Variants in ACP2 observed in about 807,000 individuals in gnomAD.
The protein encoded by ACP2 is acid phosphatase 2, lysosomal.
A neutral mutation model predicts 54.7 loss-of-function variants in ACP2; 35 were observed. That is an observed-to-expected ratio of 0.64 (90% CI 0.49 to 0.85). The LOEUF is 0.85. Among genes scored for constraint, ACP2 ranks in the 40% least tolerant of loss-of-function variants. ACP2 has a pLI of 0.00. For missense variants in ACP2, 492 were observed against 565.0 expected (o/e 0.87, Z 1.31); for synonymous variants, 210 against 224.4 (o/e 0.94, Z 0.57).
intron 3 of ACP2, 94 bp downstream of exon 3, chr11:47,247,547 G>A: frequency 1.2e-5 from 17 of 1,416,498 alleles, no homozygotes; most frequent in Non-Finnish European, 1.7e-5. Flanking sequence ...CAAGAAGGAG[G>A]CCAAAGTGCC....
At chr11:47,244,652 A>C in intron 7 of ACP2, 83 bp downstream of exon 7, 1 of 1,101,852 alleles carries the variant, frequency 9.1e-7, no homozygotes, top group East Asian at 2.5e-5. Context: ...GTAGAGAGGG[A>C]AGTGTGTGAG....
At position 47,248,712 on chromosome 11, in the gene ACP2, C is replaced by T; in HGVS notation, c.78G>A (p.Pro26=). The stretch of plus-strand genomic sequence containing the variant: ...AGCGCAGACTCCGGGCCCGGGTGGG[C>T]GGCATCACCACCAGGTTCACGCCGA... The part of the protein sequence containing the change: ...LLLGVNLVVM[P]PTRARSLRFV... Residue 26 remains proline (P), a synonymous_variant, in exon 1 of 11, where the codon CCG becomes CCA. Coordinates refer to ENST00000672073, the MANE Select transcript of ACP2 (RefSeq NM_001610.4). 4 of 1,611,926 alleles carry T rather than the reference C, an allele frequency of 2.5e-6. No individual in the cohort carries two copies. The highest frequency in any genetic ancestry group is 1.7e-5 in the Admixed American group (1 of 59,712).
chr11:47,247,177 A>G (rs1203029795), intron 3 of ACP2, among the ~76,000 whole-genome samples: 2 of 152,132 alleles, frequency 1.3e-5, no homozygotes, highest in Non-Finnish European at 2.9e-5. Context: ...TTGATCAAGA[A>G]AAGACAAGCC....
intron 6 of ACP2, 27 bp from the exon 7 acceptor site, chr11:47,244,894 GC>G: frequency 6.3e-7 from 1 of 1,576,302 alleles, no homozygotes. Flanking sequence ...GCAGGTTAGC[GC>G]CCCAGGCCTA....
rs994143812 is a variant in ACP2 at position 47,244,738 on chromosome 11, C to A, written c.769G>T (p.Gly257Trp). 6.2e-7 allele frequency: 1 copy of A among 1,604,552 alleles called. No individual in the cohort carries two copies. The highest frequency in any genetic ancestry group is 1.7e-5 in the Admixed American group (1 of 59,406). ...YQQAEKARLQ[G>W]GVLLAQIRKN... ...ACACGCTGTCCTTGTCACTCACCCC[C>A]CTGAAGCCGGGCCTTCTCCGCCTGC... Residue 257 changes from glycine (G) to tryptophan (W), a missense_variant, in exon 7 of 11, where the codon GGG (glycine) becomes TGG (tryptophan). Gly to Trp is a radical substitution (Grantham distance 184). Transcript: ENST00000672073.
At position 47,244,326 on chromosome 11, in the gene ACP2, C is replaced by T. The variant is rs1000376431; in HGVS notation, c.772+409G>A. The stretch of plus-strand genomic sequence containing the variant: ...GGTCAGGAGTTTGAGTCCAGCCTGG[C>T]GAACATGGTGAAACCCCGTTCCTAC... On this transcript the variant is annotated intron_variant, in intron 7 of 10. Transcript: ENST00000672073. Among the ~76,000 whole-genome samples the T allele has an allele frequency of 5.3e-5, 8 of 152,172 alleles. No homozygotes were observed. The East Asian group carries it at 7.7e-4, about 15-fold the overall frequency.
intron 7 of ACP2, among the ~76,000 whole-genome samples, chr11:47,244,166 T>A (rs566827453): frequency 1.3e-5 from 2 of 151,868 alleles, no homozygotes; most frequent in Admixed American, 6.6e-5. Flanking sequence ...TGGCGGCTCA[T>A]GCCTGTAATC....
Position 47,240,038 on chromosome 11 carries a change from C to G in ACP2, c.*78G>C. The G allele has an allele frequency of 6.7e-7, 1 of 1,499,434 alleles. No homozygotes were observed. Among genetic ancestry groups the G allele is most frequent in the Non-Finnish European group, 9.0e-7 (1 of 1,108,472 alleles). 92.9% of individuals were successfully genotyped at this position (1,499,434 alleles called of 1,614,324 possible). A position where few individuals can be genotyped will look rare whatever the true frequency, so the allele number is the denominator to read the frequency against. ...CAACCCAGGATCTCCTGTCCATGGG[C>G]TGGGGAGCAGCAACAGTCAGGAGCG... On this transcript the variant is annotated 3_prime_UTR_variant, in exon 11 of 11. Coordinates refer to ENST00000672073, the MANE Select transcript of ACP2 (RefSeq NM_001610.4).
In ACP2 at chr11:47,245,708, G is replaced by A. The variant is rs1231335050; in HGVS notation, c.424C>T (p.His142Tyr). The A allele has an allele frequency of 1.2e-6, 2 of 1,613,744 alleles. No individual in the cohort carries two copies. The highest frequency in any genetic ancestry group is 2.2e-5 in the South Asian group (2 of 90,996). ...CTGTCCTCAGTGATGGGCACAGTGTGCACAGGAATAGGCTGCCACGAGATG... is the reference window on the plus strand; with the variant it reads ...CTGTCCTCAGTGATGGGCACAGTGTACACAGGAATAGGCTGCCACGAGATG... ...PNISWQPIPV[H>Y]TVPITEDRLL... Residue 142 changes from histidine (H) to tyrosine (Y), a missense_variant, in exon 4 of 11, where the codon CAC becomes TAC. Physicochemically the swap from His to Tyr is moderately conservative, Grantham distance 83. Coordinates refer to ENST00000672073, the MANE Select transcript of ACP2 (RefSeq NM_001610.4).
rs763007318 is a variant in ACP2 at position 47,242,907 on chromosome 11, C to G, written c.963-9G>C. 2.0e-5 allele frequency: 32 copies of G among 1,609,102 alleles called. No homozygotes were observed. Among genetic ancestry groups the G allele is most frequent in the Non-Finnish European group, 2.6e-5 (31 of 1,176,130 alleles). On this transcript the variant is annotated splice_polypyrimidine_tract_variant and intron_variant, in intron 9 of 10. Coordinates refer to ENST00000672073, the MANE Select transcript of ACP2 (RefSeq NM_001610.4). Reference sequence around the variant, plus strand: ...TCTCCACTGAGAAATTCCTGAGGGTCGACAGGAGGCAACATGGGAGCTGCT... The same window carrying G: ...TCTCCACTGAGAAATTCCTGAGGGTGGACAGGAGGCAACATGGGAGCTGCT...
At chr11:47,240,526 CTAAA>C (rs1340161655) in intron 10 of ACP2, among the ~76,000 whole-genome samples, 3 of 151,982 alleles carry the variant, frequency 2.0e-5, no homozygotes, top group African/African-American at 4.8e-5. Flanking sequence ...CCCATCTCTA[CTAAA>C]TAAAGTTGGC....
intron 10 of ACP2, among the ~76,000 whole-genome samples, chr11:47,241,761 T>C (rs1953888452): frequency 6.6e-6 from 1 of 152,176 alleles, no homozygotes; most frequent in Non-Finnish European, 1.5e-5. Context: ...AGGTGACTCG[T>C]GGCATTGACT....
At chr11:47,248,483 A>C (rs1174033199) in intron 1 of ACP2, 193 bp downstream of exon 1, 2 of 1,549,448 alleles carry the variant, frequency 1.3e-6, no homozygotes, top group East Asian at 4.9e-5. Context: ...AGGCAGACTC[A>C]CCCCGACGTA....
intron 3 of ACP2, chr11:47,247,372 T>C: frequency 1.8e-6 from 1 of 546,274 alleles, no homozygotes; most frequent in South Asian, 2.0e-5. Context: ...ATGGAAAGCC[T>C]GTGATTTCAC....
chr11:47,245,424 T>A (rs552764293), intron 5 of ACP2, 30 bp from the exon 6 acceptor site: 16 of 1,614,094 alleles, frequency 9.9e-6, no homozygotes, highest in Admixed American at 1.7e-5. Flanking sequence ...GTCTCAGTCC[T>A]GCTCTGGGGA....
rs1953813892 is a variant in ACP2, at chr11:47,239,543, G to A, written c.*573C>T. The A allele has an allele frequency of 6.4e-6, 1 of 156,524 alleles. No individual in the cohort carries two copies. Among genetic ancestry groups the A allele is most frequent in the Admixed American group, 6.2e-5 (1 of 16,072 alleles). The allele number at this position is 156,524 out of a possible 1,614,324, so 9.7% of individuals were successfully genotyped here. ...TCCGTCCTGCTCCAGTTGAAGGGGT[G>A]ACAACGATTCCTGAAGCATTCTGTC... On this transcript the variant is annotated 3_prime_UTR_variant, in exon 11 of 11. Transcript: ENST00000672073.
rs751170232 is a variant in ACP2, at chr11:47,243,081, T to C, written c.899A>G (p.Tyr300Cys). The change falls in exon 9 of 11, where the codon TAC becomes TGC. Residue 300 changes from tyrosine to cysteine, a missense_variant. Physicochemically the swap from Tyr to Cys is radical, Grantham distance 194 (BLOSUM62 -2). Coordinates refer to ENST00000672073, the MANE Select transcript of ACP2 (RefSeq NM_001610.4). Reference protein sequence around the residue: ...LVALQMALDVYNGEQAPYASC... With the variant: ...LVALQMALDVCNGEQAPYASC... ...GGCGTAGGGGGCTTGTTCACCATTG[T>C]AGACATCCAGTGCCATTTGCAGGGC... The C allele has an allele frequency of 1.2e-6, 2 of 1,614,250 alleles. No homozygotes were observed. Among genetic ancestry groups the C allele is most frequent in the South Asian group, 2.2e-5 (2 of 91,090 alleles).
intron 7 of ACP2, 33 bp from the exon 8 acceptor site, chr11:47,243,354 A>G: frequency 6.3e-7 from 1 of 1,584,256 alleles, no homozygotes. Flanking sequence ...GTTGCTGGCT[A>G]CAGCCACCTC....
At chr11:47,246,462 G>T (rs1341432259) in intron 3 of ACP2, among the ~76,000 whole-genome samples, 1 of 152,160 alleles carries the variant, frequency 6.6e-6, no homozygotes, top group East Asian at 1.9e-4. Flanking sequence ...TGTAGTCCCA[G>T]CTACTTGGGA....
Sources: allele counts gnomAD v4.1 joint callset (sites outside exome capture counted in the v4.1 genomes callset), GRCh38; gene constraint gnomAD v4.1.1; transcripts MANE v1.5; gene names NCBI Gene and HGNC (gene_info 2026-07-23, HGNC 2026-07-21).